The following MYO7B variants were observed in gnomAD, a reference collection of about 807,000 sequenced individuals.
The protein encoded by MYO7B is unconventional myosin-VIIb.
Under a neutral mutation model 259.7 loss-of-function variants are expected in MYO7B, and 212 were observed. The ratio of observed to expected loss-of-function variants is 0.82; its 90% CI spans 0.73 to 0.91. The LOEUF (loss-of-function observed/expected upper bound fraction) is 0.91, where lower values mean the gene tolerates loss of function less well. Among genes scored for constraint, MYO7B ranks in the 40% least tolerant of loss-of-function variants. The pLI is 0.00. For synonymous variants in MYO7B, 1,197 were observed against 1,166.4 expected (o/e 1.03, Z -0.54); for missense variants, 2,732 against 2,813.5 (o/e 0.97, Z 0.66).
chr2:127,618,638 G>A (rs1680686154), intron 26 of MYO7B, among the ~76,000 whole-genome samples: 1 of 152,196 alleles, frequency 6.6e-6, no homozygotes, highest in Non-Finnish European at 1.5e-5. Context: ...GGTATACTGA[G>A]CTGATCACGA....
chr2:127,625,617 G>C, intron 31 of MYO7B, 82 bp downstream of exon 31: 1 of 1,348,032 alleles, frequency 7.4e-7, no homozygotes, highest in Non-Finnish European at 9.6e-7. Flanking sequence ...AGAGGAGATG[G>C]ATTCCCTCCC....
rs570524398 is a variant in MYO7B, at chr2:127,613,003, C to T, written c.3398+400C>T. 2.0e-5 allele frequency among the ~76,000 whole-genome samples: 3 copies of T among 152,314 alleles called. No individual in the cohort carries two copies. The highest frequency in any genetic ancestry group is 6.5e-5 in the Admixed American group (1 of 15,308). ...GCCTGCAAACACTGCAGTTCCCATC[C>T]GTGTTGGCTGAATGCGTAGAAGCAG... On this transcript the variant is annotated intron_variant, in intron 26 of 47. Transcript: ENST00000409816. The surrounding 1 kb of genome is among the most constrained non-coding windows in gnomAD (Gnocchi z 4.3).
intron 19 of MYO7B, among the ~76,000 whole-genome samples, chr2:127,605,152 G>T (rs185762688): frequency 1.7e-3 from 259 of 152,348 alleles, no homozygotes; most frequent in Non-Finnish European, 3.4e-3. Context: ...TCTCGCCAGA[G>T]CCCAGCTTTC....
Position 127,559,634 on chromosome 2 carries a change from T to C in MYO7B, c.-23-66T>C. On this transcript the variant is annotated intron_variant, in intron 1 of 47. Transcript: ENST00000409816. This position sits in a 1 kb window ranked among gnomAD's most constrained non-coding sequence, Gnocchi z 4.1. ...AGTGTTGGTGAACAAGCCCAGCTCC[T>C]GTGCTCCAGGGGCTCCTATTGGGGC... is the stretch of plus-strand genomic sequence containing the variant. 6.6e-7 allele frequency: 1 copy of C among 1,503,828 alleles called. No homozygotes were observed. The highest frequency in any genetic ancestry group is 9.3e-7 in the Non-Finnish European group (1 of 1,080,340). The allele number at this position is 1,503,828 out of a possible 1,614,324, so 93.2% of individuals were successfully genotyped here. A position where few individuals can be genotyped will look rare whatever the true frequency, so the allele number is the denominator to read the frequency against.
chr2:127,567,048 GC>G (rs1326590354), intron 5 of MYO7B, among the ~76,000 whole-genome samples: 5 of 152,200 alleles, frequency 3.3e-5, no homozygotes, highest in Admixed American at 3.3e-4. Flanking sequence ...GGACTGGACT[GC>G]CCAGCTTTTA....
chr2:127,593,652 C>T lies in MYO7B; in HGVS notation c.2244+8C>T. The T allele has an allele frequency of 6.2e-7, 1 of 1,612,688 alleles. No individual in the cohort carries two copies. Reference sequence around the variant, plus strand: ...ACAAAAATTTTCCTGAGGGTGAGACCCCGAGGAACCAGCCAGCTGTCGGCC... The same window carrying T: ...ACAAAAATTTTCCTGAGGGTGAGACTCCGAGGAACCAGCCAGCTGTCGGCC... On this transcript the variant is annotated splice_region_variant and intron_variant, in intron 18 of 47. Coordinates refer to ENST00000409816, the MANE Select transcript of MYO7B (RefSeq NM_001393586.1).
chr2:127,578,329 G>C, intron 9 of MYO7B, 43 bp downstream of exon 9: 1 of 1,611,210 alleles, frequency 6.2e-7, no homozygotes, highest in Non-Finnish European at 8.5e-7. Context: ...GGGAGGGAGA[G>C]GGAAGGGGAC....
At chr2:127,557,415 T>C (rs1677878936) in intron 1 of MYO7B, among the ~76,000 whole-genome samples, 1 of 152,208 alleles carries the variant, frequency 6.6e-6, no homozygotes, top group African/African-American at 2.4e-5. Context: ...CAGGGATTTC[T>C]TCTTGGTTTG....
At chr2:127,581,394 G>A (rs1679093229) in intron 10 of MYO7B, among the ~76,000 whole-genome samples, 1 of 152,198 alleles carries the variant, frequency 6.6e-6, no homozygotes, top group Admixed American at 6.5e-5. Flanking sequence ...CAGTTCTGGT[G>A]GAAAATTAAT....
Position 127,609,472 on chromosome 2 carries a change from C to T in MYO7B, c.2815-34C>T, listed in dbSNP as rs1412930083. 6.3e-7 allele frequency: 1 copy of T among 1,579,556 alleles called. No individual in the cohort carries two copies. The highest frequency in any genetic ancestry group is 1.3e-5 in the African/African-American group (1 of 74,092). ...GATGGGTTGGTTGTTACCTGAAAGC[C>T]CTGCTGACCCGTGTTCTCCCTCAAT... On this transcript the variant is annotated intron_variant, in intron 22 of 47. Transcript: ENST00000409816. The surrounding 1 kb of genome is among the most constrained non-coding windows in gnomAD (Gnocchi z 6.9).
In MYO7B at chr2:127,569,816, G is replaced by A; in HGVS notation, c.498G>A (p.Glu166=). 1 of 1,612,840 alleles carries A rather than the reference G, an allele frequency of 6.2e-7. No homozygotes were observed. The highest frequency in any genetic ancestry group is 1.3e-5 in the African/African-American group (1 of 75,006). Residue 166 remains glutamate (E), a synonymous_variant, in exon 6 of 48, where the codon GAG becomes GAA. Transcript: ENST00000409816. ...GCGAGTCTGGGGCTGGCAAGACGGA[G>A]ACCACCAAGCTCATCCTGCAGTTCC... ...ISGESGAGKT[E]TTKLILQFLA...
intron 11 of MYO7B, 137 bp downstream of exon 11, chr2:127,582,147 A>G (rs549786914): frequency 1.4e-5 from 20 of 1,475,908 alleles, no homozygotes; most frequent in South Asian, 3.9e-5. Flanking sequence ...CCTGGTGACC[A>G]TGGACTCCTC....
Position 127,609,907 on chromosome 2 carries a change from T to G in MYO7B, c.3083T>G (p.Val1028Gly). Residue 1028 changes from valine (V) to glycine (G), a missense_variant, in exon 24 of 48, where the codon GTG becomes GGG. Val to Gly is a moderately radical substitution (Grantham distance 109). This residue lies in a region of MYO7B where 1,906 missense variants were observed against 2,026.4 expected (regional missense o/e 0.94). Transcript: ENST00000409816. This position sits in a 1 kb window ranked among gnomAD's most constrained non-coding sequence, Gnocchi z 6.9. ...LRFMGDLPEPVLYARSSQQGS... is the reference protein window; with the variant it reads ...LRFMGDLPEPGLYARSSQQGS... ...TTCATGGGTGATCTCCCAGAGCCAGTGCTGTATGCCAGGAGCAGCCAGCAG... is the reference window on the plus strand; with the variant it reads ...TTCATGGGTGATCTCCCAGAGCCAGGGCTGTATGCCAGGAGCAGCCAGCAG... 1 of 1,611,320 alleles carries G rather than the reference T, an allele frequency of 6.2e-7. No homozygotes were observed. The highest frequency in any genetic ancestry group is 8.5e-7 in the Non-Finnish European group (1 of 1,178,656).
In MYO7B at chr2:127,578,939, G is replaced by A. The variant is rs373401638; in HGVS notation, c.1003+653G>A. The stretch of plus-strand genomic sequence containing the variant: ...AGCCAAGCTTGAAAATTTAGACAGC[G>A]AATGGGAAACTTTAAAGACATTATA... On this transcript the variant is annotated intron_variant, in intron 9 of 47. Coordinates refer to ENST00000409816, the MANE Select transcript of MYO7B (RefSeq NM_001393586.1). Among the ~76,000 whole-genome samples the A allele has an allele frequency of 5.9e-5, 9 of 152,046 alleles. 1 individual carries two copies. In the East Asian group the frequency reaches 9.7e-4, roughly 16 times the overall value.
intron 37 of MYO7B, 55 bp downstream of exon 37, chr2:127,631,418 C>T: frequency 1.3e-6 from 2 of 1,574,386 alleles, no homozygotes; most frequent in Middle Eastern, 1.8e-4. Flanking sequence ...CAGAGGCACC[C>T]AGCACATCCT....
intron 1 of MYO7B, among the ~76,000 whole-genome samples, chr2:127,547,387 G>A (rs758184051): frequency 1.3e-5 from 2 of 152,226 alleles, no homozygotes; most frequent in Non-Finnish European, 2.9e-5. Flanking sequence ...ATGCATGCAT[G>A]TATGGTAACA....
In MYO7B at chr2:127,631,248, GGCCCGT is replaced by G. The variant is rs776640645; in HGVS notation, c.4988_4993del (p.Ala1663_Arg1664del). 1.2e-6 allele frequency: 2 copies of G among 1,610,906 alleles called. No individual in the cohort carries two copies. The highest frequency in any genetic ancestry group is 3.3e-5 in the Admixed American group (2 of 59,890). On this transcript the variant is annotated inframe_deletion, in exon 37 of 48. Coordinates refer to ENST00000409816, the MANE Select transcript of MYO7B (RefSeq NM_001393586.1). ...TGGTGAGCATGGCCGTGCTGCCCCTGGCCCGTGCCCGTGGCCACCTGTGGGCCTATT... is the reference window on the plus strand; with the variant it reads ...TGGTGAGCATGGCCGTGCTGCCCCTGGCCCGTGGCCACCTGTGGGCCTATT...
In MYO7B at chr2:127,613,863, CAG is replaced by C. The variant is rs1680477170; in HGVS notation, c.3398+1261_3398+1262del. On this transcript the variant is annotated intron_variant, in intron 26 of 47. Transcript: ENST00000409816. The surrounding 1 kb of genome is among the most constrained non-coding windows in gnomAD (Gnocchi z 4.3). ...CTGGAGTCTGCCCCACCATGTGTGTCAGGGGGCAACCAGAGATTTGGGAAGAT... is the reference window on the plus strand; with the variant it reads ...CTGGAGTCTGCCCCACCATGTGTGTCGGGGCAACCAGAGATTTGGGAAGAT... Among the ~76,000 whole-genome samples the C allele has an allele frequency of 6.6e-6, 1 of 152,206 alleles. No homozygotes were observed. The highest frequency in any genetic ancestry group is 2.4e-5 in the African/African-American group (1 of 41,442).
chr2:127,583,706 G>C (rs1256944395), intron 12 of MYO7B, among the ~76,000 whole-genome samples: 2 of 152,140 alleles, frequency 1.3e-5, no homozygotes, highest in South Asian at 2.1e-4. Context: ...GATGCAGAGG[G>C]GCCCAGCAGT....
Sources: allele counts gnomAD v4.1 joint callset (sites outside exome capture counted in the v4.1 genomes callset), GRCh38; gene constraint gnomAD v4.1.1; regional missense constraint gnomAD v4.1.1; non-coding constraint Gnocchi (gnomAD v3.1); transcripts MANE v1.5; gene names NCBI Gene and HGNC (gene_info 2026-07-23, HGNC 2026-07-21).